Variants in SEC23B observed in about 807,000 individuals in gnomAD.
SEC23B encodes protein transport protein Sec23B.
Under a neutral mutation model 104.3 loss-of-function variants are expected in SEC23B, and 77 were observed. That is an observed-to-expected ratio of 0.74 (90% CI 0.61 to 0.89). SEC23B has a LOEUF of 0.89. Ranked by LOEUF, SEC23B falls within the 40% of genes least tolerant of loss-of-function variation. SEC23B has a pLI of 0.00. For missense variants in SEC23B, 885 were observed against 949.4 expected (o/e 0.93, Z 0.89); for synonymous variants, 338 against 332.5 (o/e 1.02, Z -0.18).
intron 12 of SEC23B, among the ~76,000 whole-genome samples, chr20:18,539,509 CA>C (rs1187687497): frequency 0.17 from 9,902 of 57,150 alleles, 330 homozygotes; most frequent in East Asian, 0.32. Context: ...GACTCCGTCT[CA>C]AAAAAAAAAA....
intron 4 of SEC23B, among the ~76,000 whole-genome samples, chr20:18,520,823 T>C (rs1490806417): frequency 6.6e-6 from 1 of 151,348 alleles, no homozygotes; most frequent in East Asian, 1.9e-4. Context: ...TCCGTGATGG[T>C]CTAGGTGGCT....
rs775380378 is a variant in SEC23B, at chr20:18,524,433, C to T, written c.367C>T (p.Arg123Ter). ...TTATGCTGTTTTTCTTTGCCCAAAGCGAGGTGCTCAGTCCCCTCTGATCTT... is the reference window on the plus strand; with the variant it reads ...TTATGCTGTTTTTCTTTGCCCAAAGTGAGGTGCTCAGTCCCCTCTGATCTT... The part of the protein sequence containing the change: ...QFSTIEYVIQ[R>*]GAQSPLIFLY... The change falls in exon 5 of 20, where the codon CGA becomes TGA. Residue 123 changes from arginine to a stop codon, truncating the protein, a stop_gained and splice_region_variant. Transcript: ENST00000650089. LOFTEE classifies it high-confidence loss of function. 1.1e-5 allele frequency: 17 copies of T among 1,610,934 alleles called. No individual in the cohort carries two copies. Among genetic ancestry groups the T allele is most frequent in the East Asian group, 2.2e-5 (1 of 44,884 alleles).
Position 18,525,008 on chromosome 20 carries a change from T to A in SEC23B, c.677T>A (p.Phe226Tyr). 1 of 1,614,146 alleles carries A rather than the reference T, an allele frequency of 6.2e-7. No homozygotes were observed. The highest frequency in any genetic ancestry group is 8.5e-7 in the Non-Finnish European group (1 of 1,180,016). ...CCTGCACAACCACAGGAGCACCCTT[T>A]TGCTTCAAGCAGGTGAGAGCCCAAC... ...ARPAQPQEHP[F>Y]ASSRFLQPVH... The change falls in exon 6 of 20, where the codon TTT becomes TAT. Residue 226 changes from phenylalanine (F) to tyrosine (Y), a missense_variant. By Grantham distance (22) the Phe-to-Tyr change is conservative. Coordinates refer to ENST00000650089, the MANE Select transcript of SEC23B (RefSeq NM_006363.6).
chr20:18,556,735 C>T (rs1327002545), intron 19 of SEC23B, among the ~76,000 whole-genome samples: 6 of 152,264 alleles, frequency 3.9e-5, no homozygotes, highest in East Asian at 1.9e-4. Context: ...CGGTGGCTCA[C>T]GCCTGTAATC....
intron 19 of SEC23B, among the ~76,000 whole-genome samples, chr20:18,558,704 C>A (rs539471766): frequency 2.9e-4 from 44 of 152,308 alleles, no homozygotes; most frequent in Admixed American, 7.8e-4. Context: ...TTGTTTGTCA[C>A]TGTATTTTTC....
intron 4 of SEC23B, among the ~76,000 whole-genome samples, chr20:18,523,927 C>T (rs2148897227): frequency 6.6e-6 from 1 of 152,088 alleles, no homozygotes; most frequent in Non-Finnish European, 1.5e-5. Context: ...ATGTTGGCAG[C>T]CTGGTCTTGA....
intron 14 of SEC23B, among the ~76,000 whole-genome samples, chr20:18,543,395 G>A (rs1004781142): frequency 2.0e-5 from 3 of 152,174 alleles, no homozygotes; most frequent in Non-Finnish European, 2.9e-5. Context: ...GGAGCATTTG[G>A]AGAGTGATAC....
rs1347919581 is a variant in SEC23B at position 18,524,612 on chromosome 20, A to G, written c.546A>G (p.Gly182=). 6.2e-7 allele frequency: 1 copy of G among 1,614,114 alleles called. No homozygotes were observed. The highest frequency in any genetic ancestry group is 8.5e-7 in the Non-Finnish European group (1 of 1,180,040). Reference sequence around the variant, plus strand: ...AGGTTCATGAGCTAAGCTGTGAAGGAATCTCCAAAAGTTATGTCTTCCGAG... The same window carrying G: ...AGGTTCATGAGCTAAGCTGTGAAGGGATCTCCAAAAGTTATGTCTTCCGAG... ...MVQVHELSCE[G]ISKSYVFRGT... is the part of the protein sequence containing the mutation. Residue 182 remains glycine, a synonymous_variant, in exon 5 of 20, where the codon GGA becomes GGG. Transcript: ENST00000650089.
At chr20:18,538,597 C>T (rs1041239589) in intron 12 of SEC23B, among the ~76,000 whole-genome samples, 2 of 152,106 alleles carry the variant, frequency 1.3e-5, no homozygotes, top group African/African-American at 2.4e-5. Context: ...CTGCATCAGT[C>T]GACTCTTCCT....
In SEC23B at chr20:18,543,189, G is replaced by A. The variant is rs1466613055; in HGVS notation, c.1665+17G>A. 2 of 1,613,990 alleles carry A rather than the reference G, an allele frequency of 1.2e-6. No individual in the cohort carries two copies. The highest frequency in any genetic ancestry group is 1.7e-6 in the Non-Finnish European group (2 of 1,180,012). ...ATCCGACTGGTAAATTGGGGACAGT[G>A]GCATTAGGTTCAGTCTTGGTTTCTG... On this transcript the variant is annotated intron_variant, in intron 14 of 19. Transcript: ENST00000650089.
intron 4 of SEC23B, among the ~76,000 whole-genome samples, chr20:18,519,003 T>A (rs1042408754): frequency 6.6e-6 from 1 of 152,252 alleles, no homozygotes; most frequent in Middle Eastern, 3.4e-3. Context: ...GGGCTCAAGT[T>A]AAGGCAATGA....
At chr20:18,509,135 C>T (rs1004940862) in intron 1 of SEC23B, among the ~76,000 whole-genome samples, 1 of 152,204 alleles carries the variant, frequency 6.6e-6, no homozygotes, top group Non-Finnish European at 1.5e-5. Flanking sequence ...CTTTAGTTAT[C>T]CCTTTGCTTC....
chr20:18,550,118 T>C (rs2060373836), intron 16 of SEC23B, among the ~76,000 whole-genome samples: 1 of 122,152 alleles, frequency 8.2e-6, no homozygotes, highest in Admixed American at 8.8e-5. Flanking sequence ...AAATATAAAT[T>C]ATATACTTAT....
chr20:18,538,249 CT>C (rs34866001), intron 12 of SEC23B, among the ~76,000 whole-genome samples: 68,981 of 114,244 alleles, frequency 0.6, 19,661 homozygotes, highest in Non-Finnish European at 0.7. Context: ...CTGGGAATTT[CT>C]TTTTTTTTTT....
rs2060204515 is a variant in SEC23B, at chr20:18,533,611, C to A, written c.1314+867C>A. Among the ~76,000 whole-genome samples, 4 of 152,224 alleles carry A rather than the reference C, an allele frequency of 2.6e-5. No individual in the cohort carries two copies. The South Asian group carries it at 8.3e-4, about 32-fold the overall frequency. Reference sequence around the variant, plus strand: ...TTCAGGTGAAGCAGTTAGTGCCTGGCACACTGGAAGTGTGGGTCTTCTTTC... The same window carrying A: ...TTCAGGTGAAGCAGTTAGTGCCTGGAACACTGGAAGTGTGGGTCTTCTTTC... On this transcript the variant is annotated intron_variant, in intron 11 of 19. Coordinates refer to ENST00000650089, the MANE Select transcript of SEC23B (RefSeq NM_006363.6).
At chr20:18,542,892 C>A (rs1012145574) in intron 13 of SEC23B, 127 bp from the exon 14 acceptor site, 14 of 1,183,790 alleles carry the variant, frequency 1.2e-5, no homozygotes, top group Middle Eastern at 1.9e-4. Context: ...TGCCACCTTG[C>A]CCTCCCAAAG....
intron 4 of SEC23B, among the ~76,000 whole-genome samples, chr20:18,519,563 GA>G (rs2060064410): frequency 6.6e-6 from 1 of 152,154 alleles, no homozygotes; most frequent in South Asian, 2.1e-4. Flanking sequence ...CCTTGTGTAA[GA>G]ATTCCGACTG....
At chr20:18,542,480 GT>G in intron 13 of SEC23B, 78 bp downstream of exon 13, 2 of 1,325,650 alleles carry the variant, frequency 1.5e-6, no homozygotes, top group East Asian at 4.6e-5. Flanking sequence ...ACATTTGTTA[GT>G]TTGTCTTTTT....
intron 5 of SEC23B, 49 bp from the exon 6 acceptor site, chr20:18,524,886 A>G (rs2060120556): frequency 6.3e-7 from 1 of 1,590,216 alleles, no homozygotes; most frequent in Admixed American, 1.7e-5. Context: ...TTAGTCATTC[A>G]CTTTTAGTGT....
Sources: gnomAD v4.1 joint callset for allele counts (sites outside exome capture counted in the v4.1 genomes callset) on GRCh38, gnomAD v4.1.1 for gene constraint, MANE v1.5 for transcripts, NCBI Gene and HGNC (gene_info 2026-07-23, HGNC 2026-07-21) for gene names.